SPINT2: variants seen among roughly 807,000 people sequenced by gnomAD.
SPINT2 encodes the protein serine peptidase inhibitor, Kunitz type 2, also known as kunitz-type protease inhibitor 2.
In SPINT2, 18 loss-of-function variants were observed where a neutral mutation model predicts 30.1. The observed-to-expected ratio is 0.60, with a 90% CI of 0.41 to 0.89. The LOEUF is 0.89. Ranked by LOEUF, SPINT2 falls within the 40% of genes least tolerant of loss-of-function variation. The pLI is 0.00. For missense variants in SPINT2, 276 were observed against 334.3 expected (o/e 0.83, Z 1.36); for synonymous variants, 139 against 137.9 (o/e 1.01, Z -0.05).
rs1054132628 is a variant in SPINT2, at chr19:38,290,143, C to T, written c.416C>T (p.Thr139Ile). 5 of 1,612,492 alleles carry T rather than the reference C, an allele frequency of 3.1e-6. No individual in the cohort carries two copies. Among genetic ancestry groups the T allele is most frequent in the African/African-American group, 2.7e-5 (2 of 74,890 alleles). The change falls in exon 5 of 7, where the codon ACT (threonine) becomes ATT (isoleucine). Residue 139 changes from threonine to isoleucine, a missense_variant. Transcript: ENST00000301244. The surrounding 1 kb of genome is among the most constrained non-coding windows in gnomAD (Gnocchi z 4.3). ...YEEYCTANAV[T>I]GPCRASFPRW... ...GAATACTGCACCGCCAACGCAGTCA[C>T]TGGGCCTTGCCGTGCATCCTTCCCA...
chr19:38,270,051 C>T (rs562262725), intron 1 of SPINT2, among the ~76,000 whole-genome samples: 2 of 152,150 alleles, frequency 1.3e-5, no homozygotes, highest in South Asian at 2.1e-4. Context: ...AAGGGATTTT[C>T]GAAATGCATG....
chr19:38,287,440 G>A (rs1346212686), intron 2 of SPINT2, among the ~76,000 whole-genome samples: 5 of 152,032 alleles, frequency 3.3e-5, no homozygotes, highest in Non-Finnish European at 7.4e-5. Flanking sequence ...CTCGCGATCT[G>A]CCCACCCTGG....
At chr19:38,280,421 G>A (rs1945007122) in intron 1 of SPINT2, among the ~76,000 whole-genome samples, 1 of 152,148 alleles carries the variant, frequency 6.6e-6, no homozygotes, top group Non-Finnish European at 1.5e-5. Context: ...CATGCAACCT[G>A]CTTGACAGAA....
chr19:38,289,023 A>G (rs923152850), intron 3 of SPINT2, 115 bp from the exon 4 acceptor site: 6 of 911,224 alleles, frequency 6.6e-6, no homozygotes, highest in East Asian at 4.9e-5. Context: ...GGGGCTACAC[A>G]CCCCTTCTTA....
At chr19:38,269,761 C>T (rs59953193) in intron 1 of SPINT2, among the ~76,000 whole-genome samples, 269 of 151,942 alleles carry the variant, frequency 1.8e-3, no homozygotes, top group African/African-American at 5.8e-3. Context: ...AGGCACCTGC[C>T]GCCACGCCCG....
chr19:38,283,795 CA>C lies in SPINT2; in HGVS notation c.276del (p.Glu93ArgfsTer114). The stretch of plus-strand genomic sequence containing the variant: ...TGCCTCAAGAAATGTGCCACTGTCA[CA>C]GGTGAGATGGCAGTAGTTGGAGCTT... ...EECLKKCATVTENATGDLATS... is the reference protein window; with the variant it reads ...EECLKKCATVXENATGDLATS... On this transcript the variant is annotated frameshift_variant and splice_region_variant, in exon 2 of 7. Transcript: ENST00000301244. LOFTEE classifies it high-confidence loss of function. 6.4e-7 allele frequency: 1 copy of C among 1,556,110 alleles called. No individual in the cohort carries two copies. Among genetic ancestry groups the C allele is most frequent in the Non-Finnish European group, 8.8e-7 (1 of 1,135,048 alleles).
intron 3 of SPINT2, 44 bp from the exon 4 acceptor site, chr19:38,289,094 C>G (rs764880856): frequency 2.3e-5 from 36 of 1,596,398 alleles, no homozygotes; most frequent in Non-Finnish European, 2.7e-5. Context: ...GGCCTGTGTC[C>G]TGTGTCCGGC....
In SPINT2 at chr19:38,290,137, C is replaced by T; in HGVS notation, c.410C>T (p.Ala137Val). 6.2e-7 allele frequency: 1 copy of T among 1,612,568 alleles called. No homozygotes were observed. Among genetic ancestry groups the T allele is most frequent in the Non-Finnish European group, 8.5e-7 (1 of 1,180,032 alleles). Residue 137 changes from alanine to valine, a missense_variant, in exon 5 of 7, where the codon GCA becomes GTA. Physicochemically the swap from Ala to Val is moderately conservative, Grantham distance 64 (BLOSUM62 0). Transcript: ENST00000301244. This position sits in a 1 kb window ranked among gnomAD's most constrained non-coding sequence, Gnocchi z 4.3. Reference protein sequence around the residue: ...FNYEEYCTANAVTGPCRASFP... With the variant: ...FNYEEYCTANVVTGPCRASFP... ...CTCCTAGAATACTGCACCGCCAACG[C>T]AGTCACTGGGCCTTGCCGTGCATCC...
At chr19:38,289,981 G>T (rs1013897287) in intron 4 of SPINT2, 138 bp from the exon 5 acceptor site, 2 of 957,552 alleles carry the variant, frequency 2.1e-6, no homozygotes, top group Non-Finnish European at 3.3e-6. Flanking sequence ...CTGGTCTTGG[G>T]TGTAATTTAC....
chr19:38,291,680 T>A, intron 6 of SPINT2, 160 bp from the exon 7 acceptor site: 1 of 832,706 alleles, frequency 1.2e-6, no homozygotes, highest in Non-Finnish European at 1.8e-6. Context: ...TCTGGCAGGC[T>A]GTGTCCTCTC....
intron 1 of SPINT2, among the ~76,000 whole-genome samples, chr19:38,267,670 A>G (rs1968396617): frequency 6.6e-6 from 1 of 151,402 alleles, no homozygotes; most frequent in African/African-American, 2.4e-5. Flanking sequence ...GGGTGGGAGG[A>G]GATCAGGTGG....
At chr19:38,287,125 G>A (rs1968651664) in intron 2 of SPINT2, among the ~76,000 whole-genome samples, 1 of 152,138 alleles carries the variant, frequency 6.6e-6, no homozygotes, top group African/African-American at 2.4e-5. Flanking sequence ...CCAGGTTCAG[G>A]CGATTCTCCT....
At position 38,290,411 on chromosome 19, in the gene SPINT2, C is replaced by T. The variant is rs143638952; in HGVS notation, c.554-126C>T. 9.5e-3 allele frequency: 15,068 copies of T among 1,590,922 alleles called. 188 individuals are homozygous for T. The highest frequency in any genetic ancestry group is 8.4e-3 in the Non-Finnish European group (9,823 of 1,168,036). ...CCAGGGCAGCAAGGCCTCTAAGCCC[C>T]AGAAAAGCTGGAAGAAAGCCCCTCA... On this transcript the variant is annotated intron_variant, in intron 5 of 6. Coordinates refer to ENST00000301244, the MANE Select transcript of SPINT2 (RefSeq NM_021102.4). The surrounding 1 kb of genome is among the most constrained non-coding windows in gnomAD (Gnocchi z 4.3).
At position 38,264,787 on chromosome 19, in the gene SPINT2, G is replaced by A. The variant is rs1968356301; in HGVS notation, c.-106G>A. On this transcript the variant is annotated 5_prime_UTR_variant, in exon 1 of 7. Coordinates refer to ENST00000301244, the MANE Select transcript of SPINT2 (RefSeq NM_021102.4). ...GGACCCTCCCGGAGCGTCGGCACCT[G>A]AACGCGAGGCGCTCCATTGCGCGTG... 7.9e-7 allele frequency: 1 copy of A among 1,261,448 alleles called. No homozygotes were observed. Among genetic ancestry groups the A allele is most frequent in the South Asian group, 1.3e-5 (1 of 75,312 alleles). The allele number at this position is 1,261,448 out of a possible 1,614,324, so 78.1% of individuals were successfully genotyped here. A position where few individuals can be genotyped will look rare whatever the true frequency, so the allele number is the denominator to read the frequency against.
chr19:38,284,889 T>C (rs1176417372), intron 2 of SPINT2, among the ~76,000 whole-genome samples: 1 of 152,104 alleles, frequency 6.6e-6, no homozygotes, highest in Non-Finnish European at 1.5e-5. Flanking sequence ...CTAATTTTTG[T>C]ATTTTTAGTA....
intron 1 of SPINT2, among the ~76,000 whole-genome samples, chr19:38,270,807 C>G (rs1327423630): frequency 6.6e-6 from 1 of 152,224 alleles, no homozygotes; most frequent in Non-Finnish European, 1.5e-5. Flanking sequence ...TTTGCCATGT[C>G]TGGAGGCTAC....
chr19:38,270,630 C>T (rs976334037), intron 1 of SPINT2, among the ~76,000 whole-genome samples: 5 of 152,198 alleles, frequency 3.3e-5, no homozygotes, highest in African/African-American at 9.7e-5. Context: ...TTCAGGTCAC[C>T]GCGGGAGACT....
intron 1 of SPINT2, among the ~76,000 whole-genome samples, chr19:38,275,053 T>TA (rs1050106154): frequency 6.6e-5 from 10 of 152,130 alleles, no homozygotes; most frequent in Admixed American, 2.6e-4. Context: ...GAGCAAAGGA[T>TA]AAAACGTTGA....
chr19:38,289,441 C>T (rs562486478), intron 4 of SPINT2: 36 of 328,038 alleles, frequency 1.1e-4, no homozygotes, highest in African/African-American at 6.9e-4. Flanking sequence ...GCCAAGATTG[C>T]GCCACTGCAC....
Sources: allele counts gnomAD v4.1 joint callset (sites outside exome capture counted in the v4.1 genomes callset), GRCh38; gene constraint gnomAD v4.1.1; non-coding constraint Gnocchi (gnomAD v3.1); transcripts MANE v1.5; gene names NCBI Gene and HGNC (gene_info 2026-07-23, HGNC 2026-07-21).